Variants in NAV2 observed in about 807,000 individuals in gnomAD.
NAV2 encodes neuron navigator 2, also known as helicase, APC down-regulated 1.
In NAV2, 54 loss-of-function variants were observed where a neutral mutation model predicts 223.2. That is an observed-to-expected ratio of 0.24 (90% CI 0.19 to 0.30). The LOEUF is 0.30. Ranked by LOEUF, NAV2 falls within the 10% of genes least tolerant of loss-of-function variation. The pLI is 1.00. For missense variants in NAV2, 2,806 were observed against 3,147.5 expected (o/e 0.89, Z 2.60); for synonymous variants, 1,279 against 1,239.3 (o/e 1.03, Z -0.67).
intron 3 of NAV2, among the ~76,000 whole-genome samples, chr11:19,848,961 A>G (rs1176304005): frequency 6.6e-6 from 1 of 152,198 alleles, no homozygotes; most frequent in East Asian, 1.9e-4. Context: ...ACTTGGCCTT[A>G]GCACTTCACT....
At chr11:19,774,465 C>T (rs1323992369) in intron 1 of NAV2, among the ~76,000 whole-genome samples, 5 of 152,268 alleles carry the variant, frequency 3.3e-5, no homozygotes, top group Non-Finnish European at 7.3e-5. Flanking sequence ...GTGTGAGCTA[C>T]CGCGCTCAGC....
At chr11:19,795,252 C>T (rs2057801469) in intron 1 of NAV2, among the ~76,000 whole-genome samples, 1 of 152,152 alleles carries the variant, frequency 6.6e-6, no homozygotes, top group African/African-American at 2.4e-5. Context: ...CCTGATAAGC[C>T]AAATAGATTA....
intron 1 of NAV2, among the ~76,000 whole-genome samples, chr11:19,789,635 A>G (rs1013802575): frequency 2.0e-5 from 3 of 152,220 alleles, no homozygotes; most frequent in African/African-American, 7.2e-5. Flanking sequence ...TGAAAATGAA[A>G]TCAGTTATCA....
intron 36 of NAV2, among the ~76,000 whole-genome samples, chr11:20,111,529 G>A (rs145395840): frequency 3.0e-4 from 45 of 152,362 alleles, no homozygotes; most frequent in African/African-American, 8.2e-4. Flanking sequence ...ATGTTAACAT[G>A]TACCTAATGT....
At chr11:19,390,335 G>C (rs1395794172) in intron 1 of NAV2, among the ~76,000 whole-genome samples, 1 of 152,088 alleles carries the variant, frequency 6.6e-6, no homozygotes, top group Admixed American at 6.5e-5. Flanking sequence ...CCATATCCTT[G>C]CCTCAGCTTT....
chr11:19,429,309 C>G (rs923100114), intron 1 of NAV2, among the ~76,000 whole-genome samples: 1 of 152,198 alleles, frequency 6.6e-6, no homozygotes, highest in African/African-American at 2.4e-5. Context: ...GGGCCAGGAC[C>G]AAGTCTAAAG....
chr11:20,041,961 G>A (rs866919444), intron 12 of NAV2, among the ~76,000 whole-genome samples: 46 of 151,950 alleles, frequency 3.0e-4, no homozygotes, highest in Middle Eastern at 3.4e-3. Flanking sequence ...AATAGTCTTC[G>A]TAGTCTACAA....
At chr11:19,742,216 G>T (rs766632104) in intron 1 of NAV2, among the ~76,000 whole-genome samples, 1 of 152,300 alleles carries the variant, frequency 6.6e-6, no homozygotes, top group Non-Finnish European at 1.5e-5. Flanking sequence ...CAGTCATCGG[G>T]ACTTGGGGTC....
rs192235455 is a variant in NAV2, at chr11:19,379,366, G to A, written c.75+28339G>A. On this transcript the variant is annotated intron_variant, in intron 1 of 37. Coordinates refer to the NAV2 transcript ENST00000360655. The stretch of plus-strand genomic sequence containing the variant: ...TAAGAGCAAGGCCTATTACTTGGGA[G>A]CAAGGGGGTGGTTGAGAAGGGATGC... 4.6e-5 allele frequency among the ~76,000 whole-genome samples: 7 copies of A among 152,322 alleles called. No individual in the cohort carries two copies. The East Asian group carries it at 1.2e-3, about 25-fold the overall frequency.
At chr11:19,844,604 A>G (rs1645859410) in intron 3 of NAV2, among the ~76,000 whole-genome samples, 1 of 152,104 alleles carries the variant, frequency 6.6e-6, no homozygotes, top group Non-Finnish European at 1.5e-5. Context: ...AAAGTTTTGG[A>G]TTTTGGCATA....
At position 19,851,815 on chromosome 11, in the gene NAV2, C is replaced by A. The variant is rs193142270; in HGVS notation, c.438+8892C>A. ...GTTATCTTACCTGATGAGAGACTTT[C>A]CAAATGCGATTAAGGATTTTGAGAT... On this transcript the variant is annotated intron_variant, in intron 3 of 37. Coordinates refer to ENST00000349880, the MANE Select transcript of NAV2 (RefSeq NM_145117.5). Among the ~76,000 whole-genome samples, 22 of 152,354 alleles carry A rather than the reference C, an allele frequency of 1.4e-4. 1 individual carries two copies. Among genetic ancestry groups the A allele is most frequent in the Admixed American group, 6.5e-4 (10 of 15,308 alleles).
intron 6 of NAV2, among the ~76,000 whole-genome samples, chr11:19,911,543 T>C (rs1239329561): frequency 2.6e-5 from 4 of 152,174 alleles, no homozygotes; most frequent in Non-Finnish European, 5.9e-5. Context: ...GCCTGTCATG[T>C]TCAATAAATC....
At chr11:19,994,638 G>A (rs368520108) in intron 11 of NAV2, among the ~76,000 whole-genome samples, 1 of 152,010 alleles carries the variant, frequency 6.6e-6, no homozygotes, top group African/African-American at 2.4e-5. Flanking sequence ...ATTGAAATAA[G>A]CCCAGAATAT....
intron 1 of NAV2, among the ~76,000 whole-genome samples, chr11:19,494,977 G>A (rs1003196781): frequency 1.3e-5 from 2 of 152,330 alleles, no homozygotes; most frequent in Non-Finnish European, 2.9e-5. Flanking sequence ...GTCCTCAGAG[G>A]AGAATCCTGG....
intron 1 of NAV2, among the ~76,000 whole-genome samples, chr11:19,501,703 C>T (rs1166803725): frequency 6.6e-6 from 1 of 151,664 alleles, no homozygotes; most frequent in Non-Finnish European, 1.5e-5. Context: ...TGTAAAGATA[C>T]TAGATACTGT....
chr11:20,095,391 G>A (rs2061176439), intron 29 of NAV2, among the ~76,000 whole-genome samples: 2 of 152,184 alleles, frequency 1.3e-5, no homozygotes, highest in Admixed American at 6.5e-5. Context: ...CAAGGAATAT[G>A]TGATTTATGC....
intron 1 of NAV2, among the ~76,000 whole-genome samples, chr11:19,828,198 A>G (rs2059747586): frequency 6.6e-6 from 1 of 152,170 alleles, no homozygotes; most frequent in Admixed American, 6.5e-5. Context: ...AATAGATATA[A>G]AATTTACCAT....
chr11:19,529,769 A>T (rs1010339930), intron 1 of NAV2, among the ~76,000 whole-genome samples: 1 of 152,210 alleles, frequency 6.6e-6, no homozygotes, highest in African/African-American at 2.4e-5. Context: ...AACCTCTTCA[A>T]ATCACTCAGT....
chr11:20,103,120 A>T, intron 32 of NAV2, 135 bp from the exon 33 acceptor site: 1 of 779,492 alleles, frequency 1.3e-6, no homozygotes, highest in Non-Finnish European at 2.0e-6. Context: ...AGGCACCCAG[A>T]ATGTGTTTAC....
Sources: gnomAD v4.1 joint callset for allele counts (sites outside exome capture counted in the v4.1 genomes callset) on GRCh38, gnomAD v4.1.1 for gene constraint, MANE v1.5 for transcripts, NCBI Gene and HGNC (gene_info 2026-07-23, HGNC 2026-07-21) for gene names.